The following MAP4K4 variants were observed in gnomAD, a reference collection of about 807,000 sequenced individuals.
MAP4K4 encodes the protein HPK/GCK-like kinase HGK.
Under a neutral mutation model 189.6 loss-of-function variants are expected in MAP4K4, and 38 were observed. The observed-to-expected ratio is 0.20, with a 90% CI of 0.15 to 0.26. The LOEUF (loss-of-function observed/expected upper bound fraction) is 0.26. MAP4K4 is among the 10% of genes least tolerant of loss of function. MAP4K4 has a pLI of 1.00. For synonymous variants in MAP4K4, 610 were observed against 624.3 expected, an observed-to-expected ratio of 0.98 and a Z score of 0.34; for missense variants, 1,054 against 1,726.9, an observed-to-expected ratio of 0.61 and a Z score of 6.91.
exon 25 of MAP4K4, chr2:101,873,750 C>T: frequency 6.2e-7 from 1 of 1,602,756 alleles, no homozygotes; most frequent in Non-Finnish European, 8.5e-7. Context: ...AGCGGAACAA[C>T]AGTGACATCT....
intron 3 of MAP4K4, among the ~76,000 whole-genome samples, chr2:101,815,909 C>A (rs868323787): frequency 1.9e-4 from 29 of 152,254 alleles, no homozygotes; most frequent in Admixed American, 7.2e-4. Flanking sequence ...GGTTTCCGCA[C>A]GGGGACGTGT....
At chr2:101,776,473 T>C (rs2084181139) in intron 2 of MAP4K4, among the ~76,000 whole-genome samples, 1 of 151,788 alleles carries the variant, frequency 6.6e-6, no homozygotes, top group Non-Finnish European at 1.5e-5. Flanking sequence ...CTTTAACAAA[T>C]CTGTTTTTCA....
chr2:101,735,752 G>A (rs968028116), intron 2 of MAP4K4, among the ~76,000 whole-genome samples: 5 of 152,176 alleles, frequency 3.3e-5, no homozygotes, highest in Non-Finnish European at 5.9e-5. Flanking sequence ...ATTGAGTCAA[G>A]GAGACCAGTT....
intron 26 of MAP4K4, among the ~76,000 whole-genome samples, chr2:101,874,890 T>G (rs941563760): frequency 1.3e-5 from 2 of 152,194 alleles, no homozygotes; most frequent in Non-Finnish European, 2.9e-5. Flanking sequence ...GAAAAGAGTC[T>G]TCAGCTTTAT....
At position 101,885,301 on chromosome 2, in the gene MAP4K4, G is replaced by C; in HGVS notation, c.3621+14G>C. The C allele has an allele frequency of 6.6e-7, 1 of 1,507,836 alleles. No homozygotes were observed. Among genetic ancestry groups the C allele is most frequent in the Non-Finnish European group, 9.1e-7 (1 of 1,098,350 alleles). 93.4% of individuals were successfully genotyped at this position (1,507,836 alleles called of 1,614,324 possible). A position where few individuals can be genotyped will look rare whatever the true frequency, so the allele number is the denominator to read the frequency against. Reference sequence around the variant, plus strand: ...ATGGCCTTTAAGGTAACAACATCAAGTGAATTTAAAAGTAGTATTGGCCAT... The same window carrying C: ...ATGGCCTTTAAGGTAACAACATCAACTGAATTTAAAAGTAGTATTGGCCAT... On this transcript the variant is annotated intron_variant, in intron 29 of 32. Coordinates refer to ENST00000324219, the Ensembl canonical transcript of MAP4K4.
At chr2:101,838,640 C>T (rs2096832919) in intron 9 of MAP4K4, among the ~76,000 whole-genome samples, 1 of 152,116 alleles carries the variant, frequency 6.6e-6, no homozygotes, top group Non-Finnish European at 1.5e-5. Context: ...TGATATATGT[C>T]CGCTGTTGTG....
intron 2 of MAP4K4, among the ~76,000 whole-genome samples, chr2:101,780,596 C>A: frequency 6.6e-6 from 1 of 152,340 alleles, no homozygotes; most frequent in Non-Finnish European, 1.5e-5. Flanking sequence ...CGTATGAAAT[C>A]ATAGACTCTT....
At chr2:101,707,129 C>G (rs1337517228) in intron 2 of MAP4K4, among the ~76,000 whole-genome samples, 1 of 151,900 alleles carries the variant, frequency 6.6e-6, no homozygotes, top group Non-Finnish European at 1.5e-5. Context: ...CCAACTGTCT[C>G]ACTTCTTTTT....
At chr2:101,883,894 T>C (rs2098445207) in intron 28 of MAP4K4, among the ~76,000 whole-genome samples, 1 of 152,196 alleles carries the variant, frequency 6.6e-6, no homozygotes, top group South Asian at 2.1e-4. Context: ...AACTATCTGC[T>C]TAGGATAGAT....
intron 6 of MAP4K4, among the ~76,000 whole-genome samples, chr2:101,830,277 C>T (rs765494877): frequency 6.6e-6 from 1 of 152,174 alleles, no homozygotes; most frequent in African/African-American, 2.4e-5. Flanking sequence ...TACCCAGCAT[C>T]TAGCATTGTG....
At chr2:101,815,396 A>G (rs1379149750) in intron 3 of MAP4K4, among the ~76,000 whole-genome samples, 6 of 152,142 alleles carry the variant, frequency 3.9e-5, no homozygotes, top group Non-Finnish European at 8.8e-5. Flanking sequence ...CTTCATGGGT[A>G]GATGCCCAAC....
At chr2:101,877,383 T>C (rs1034826102) in intron 27 of MAP4K4, among the ~76,000 whole-genome samples, 2 of 152,150 alleles carry the variant, frequency 1.3e-5, no homozygotes, top group African/African-American at 4.8e-5. Flanking sequence ...TCTTTCTCAC[T>C]GGCATCTCTC....
intron 2 of MAP4K4, among the ~76,000 whole-genome samples, chr2:101,761,939 C>T (rs560918279): frequency 6.6e-6 from 1 of 152,282 alleles, no homozygotes; most frequent in Admixed American, 6.5e-5. Context: ...TGAGTCAGGG[C>T]AGACATAATT....
At chr2:101,810,556 A>G (rs1448927298) in intron 3 of MAP4K4, among the ~76,000 whole-genome samples, 5 of 152,026 alleles carry the variant, frequency 3.3e-5, no homozygotes, top group Non-Finnish European at 7.4e-5. Flanking sequence ...TACTTACTGT[A>G]TCCCTCAGGT....
chr2:101,779,246 A>G (rs941932323), intron 2 of MAP4K4, among the ~76,000 whole-genome samples: 9 of 152,174 alleles, frequency 5.9e-5, no homozygotes, highest in Non-Finnish European at 1.0e-4. Flanking sequence ...AGAGGGAAGC[A>G]TAAAGCTCAT....
At chr2:101,783,268 A>G (rs563948441) in intron 2 of MAP4K4, among the ~76,000 whole-genome samples, 7 of 113,132 alleles carry the variant, frequency 6.2e-5, no homozygotes, top group Non-Finnish European at 9.0e-5. Context: ...AACATAAGCT[A>G]TGTGTTTTTC....
intron 3 of MAP4K4, among the ~76,000 whole-genome samples, chr2:101,792,056 T>G (rs1467816639): frequency 6.6e-6 from 1 of 152,196 alleles, no homozygotes. Flanking sequence ...TATTTTAAGG[T>G]GATTTTAAAT....
chr2:101,779,513 A>G (rs983516393), intron 2 of MAP4K4, among the ~76,000 whole-genome samples: 4 of 152,256 alleles, frequency 2.6e-5, no homozygotes, highest in Admixed American at 6.5e-5. Flanking sequence ...ACTGAGGAAA[A>G]CTCATCTGTT....
At chr2:101,742,257 C>T (rs1158560434) in intron 2 of MAP4K4, among the ~76,000 whole-genome samples, 1 of 152,214 alleles carries the variant, frequency 6.6e-6, no homozygotes, top group African/African-American at 2.4e-5. Context: ...CAGGCAGGTA[C>T]AGGCAGGTTC....
Sources: gnomAD v4.1 joint callset for allele counts (sites outside exome capture counted in the v4.1 genomes callset) on GRCh38, gnomAD v4.1.1 for gene constraint, MANE v1.5 for transcripts, NCBI Gene and HGNC (gene_info 2026-07-23, HGNC 2026-07-21) for gene names.